Variants in ATG5 observed in about 807,000 individuals in gnomAD.
ATG5 encodes the protein autophagy related 5, also known as autophagy protein 5.
Under a neutral mutation model 36.5 loss-of-function variants are expected in ATG5, and 14 were observed. The ratio of observed to expected loss-of-function variants is 0.38; its 90% confidence interval spans 0.25 to 0.60. The LOEUF (loss-of-function observed/expected upper bound fraction) is 0.60. ATG5 is among the 20% of genes least tolerant of loss of function. The pLI is 0.60. For synonymous variants in ATG5, 95 were observed against 101.5 expected, an observed-to-expected ratio of 0.94 and a Z score of 0.38; for missense variants, 195 against 326.7, an observed-to-expected ratio of 0.60 and a Z score of 3.11.
At chr6:106,196,398 G>A (rs754789343) in intron 7 of ATG5, among the ~76,000 whole-genome samples, 1 of 152,166 alleles carries the variant, frequency 6.6e-6, no homozygotes, top group Non-Finnish European at 1.5e-5. Flanking sequence ...AGGAGATGGA[G>A]ACCTGTGTTC....
chr6:106,186,791 C>T, intron 7 of ATG5, 115 bp from the exon 8 acceptor site: 1 of 1,227,028 alleles, frequency 8.1e-7, no homozygotes, highest in Non-Finnish European at 1.1e-6. Flanking sequence ...ATGTTTTGTC[C>T]CCTGAACAGG....
chr6:106,226,727 G>A (rs1458366947), intron 6 of ATG5, among the ~76,000 whole-genome samples: 1 of 152,102 alleles, frequency 6.6e-6, no homozygotes, highest in Non-Finnish European at 1.5e-5. Context: ...ATTTATCCAT[G>A]TTGTTGCATG....
chr6:106,226,390 A>G (rs905580851), intron 6 of ATG5, among the ~76,000 whole-genome samples: 5 of 152,192 alleles, frequency 3.3e-5, no homozygotes, highest in Non-Finnish European at 5.9e-5. Context: ...TCTCAACAAC[A>G]ACAAAATTAC....
At chr6:106,289,825 T>C (rs1198622863) in intron 4 of ATG5, among the ~76,000 whole-genome samples, 1 of 152,222 alleles carries the variant, frequency 6.6e-6, no homozygotes, top group Admixed American at 6.5e-5. Flanking sequence ...CAAATAACTT[T>C]AATGCCTTAA....
At chr6:106,269,127 A>G (rs1779340974) in intron 5 of ATG5, among the ~76,000 whole-genome samples, 3 of 152,146 alleles carry the variant, frequency 2.0e-5, no homozygotes, top group Admixed American at 2.0e-4. Context: ...TCCCCACTAG[A>G]TTAGCTAGAT....
In ATG5 at chr6:106,203,330, G is replaced by T. The variant is rs577684810; in HGVS notation, c.574-1241C>A. Among the ~76,000 whole-genome samples the T allele has an allele frequency of 3.3e-5, 5 of 152,276 alleles. No individual in the cohort carries two copies. The South Asian group carries it at 1.0e-3, about 32-fold the overall frequency. ...GGCTCTGAAATGAGCCAGTGTCTAT[G>T]AAGAGCACCACTGTTTGCAAGATCT... On this transcript the variant is annotated intron_variant, in intron 6 of 7. Coordinates refer to ENST00000369076, the MANE Select transcript of ATG5 (RefSeq NM_004849.4).
chr6:106,238,552 A>G (rs3804329), intron 6 of ATG5, among the ~76,000 whole-genome samples: 23,218 of 152,158 alleles, frequency 0.15, 2,118 homozygotes, highest in Non-Finnish European at 0.2. Flanking sequence ...AAGGGTGTAC[A>G]TGGAGAAAGC....
At chr6:106,273,056 AC>A (rs1779513664) in intron 5 of ATG5, among the ~76,000 whole-genome samples, 1 of 152,246 alleles carries the variant, frequency 6.6e-6, no homozygotes, top group African/African-American at 2.4e-5. Context: ...TGTTCCAAAG[AC>A]TGATAAAAAT....
intron 3 of ATG5, among the ~76,000 whole-genome samples, chr6:106,298,951 A>C (rs1360846500): frequency 1.3e-5 from 2 of 152,234 alleles, no homozygotes; most frequent in Admixed American, 6.5e-5. Context: ...CAAGTCTTCT[A>C]AACAGATATT....
At chr6:106,228,532 A>C (rs1304225556) in intron 6 of ATG5, among the ~76,000 whole-genome samples, 3 of 152,062 alleles carry the variant, frequency 2.0e-5, no homozygotes, top group Non-Finnish European at 4.4e-5. Context: ...ATTTATTGGA[A>C]TCCATGAGGC....
intron 6 of ATG5, among the ~76,000 whole-genome samples, chr6:106,219,809 T>C (rs1242584401): frequency 6.6e-6 from 1 of 152,162 alleles, no homozygotes; most frequent in East Asian, 1.9e-4. Context: ...TCACAACATA[T>C]ACATGCAGAC....
In ATG5 at chr6:106,279,953, A is replaced by G. The variant is rs535234799; in HGVS notation, c.316-130T>C. 2.1e-5 allele frequency: 11 copies of G among 523,442 alleles called. No homozygotes were observed. The African/African-American group carries it at 2.2e-4, about 10-fold the overall frequency. 32.4% of individuals were successfully genotyped at this position (523,442 alleles called of 1,614,324 possible). ...TATCTCTTAGCACTGAAATAACCCA[A>G]AATACTTTAAAATTTAACTTAAAAA... On this transcript the variant is annotated intron_variant, in intron 4 of 7. Transcript: ENST00000369076.
chr6:106,304,213 G>A (rs910537467), intron 3 of ATG5: 26 of 152,148 alleles, frequency 1.7e-4, no homozygotes, highest in Admixed American at 7.2e-4. Flanking sequence ...AAATTAGAAC[G>A]ATACAGAGAT....
intron 6 of ATG5, among the ~76,000 whole-genome samples, chr6:106,230,194 A>C (rs761796441): frequency 5.7e-4 from 87 of 152,202 alleles, no homozygotes; most frequent in Non-Finnish European, 9.8e-4. Context: ...GTCTCCTCAA[A>C]TGTCAGAGCT....
intron 6 of ATG5, among the ~76,000 whole-genome samples, chr6:106,205,608 A>AGTC (rs1323320966): frequency 7.2e-5 from 11 of 152,334 alleles, no homozygotes; most frequent in African/African-American, 2.6e-4. Flanking sequence ...AAGGCCAACT[A>AGTC]GTCTTGGTTA....
At chr6:106,263,542 C>A (rs1779110157) in intron 5 of ATG5, among the ~76,000 whole-genome samples, 2 of 152,208 alleles carry the variant, frequency 1.3e-5, no homozygotes, top group African/African-American at 4.8e-5. Context: ...GGTCTCTGAT[C>A]CCCATGCCTC....
rs1248679046 is a variant in ATG5, at chr6:106,267,686, C to T, written c.478+11975G>A. Among the ~76,000 whole-genome samples, 7 of 152,140 alleles carry T rather than the reference C, an allele frequency of 4.6e-5. No homozygotes were observed. The East Asian group carries it at 1.3e-3, about 29-fold the overall frequency. On this transcript the variant is annotated intron_variant, in intron 5 of 7. Coordinates refer to ENST00000369076, the MANE Select transcript of ATG5 (RefSeq NM_004849.4). ...AACAGAGACCTCAGAAATACCACCACAAATCTACAACCATCTGATCTTCGA... is the reference window on the plus strand; with the variant it reads ...AACAGAGACCTCAGAAATACCACCATAAATCTACAACCATCTGATCTTCGA...
At chr6:106,287,690 C>T (rs1447829735) in intron 4 of ATG5, among the ~76,000 whole-genome samples, 2 of 151,964 alleles carry the variant, frequency 1.3e-5, no homozygotes, top group African/African-American at 4.8e-5. Context: ...TTTTAAAGAC[C>T]CCACTATTTT....
chr6:106,246,963 C>G (rs966066622), intron 6 of ATG5, among the ~76,000 whole-genome samples: 1 of 152,134 alleles, frequency 6.6e-6, no homozygotes, highest in Non-Finnish European at 1.5e-5. Flanking sequence ...ACAATAACCC[C>G]GCCTTCATGA....
Sources: gnomAD v4.1 joint callset for allele counts (sites outside exome capture counted in the v4.1 genomes callset) on GRCh38, gnomAD v4.1.1 for gene constraint, MANE v1.5 for transcripts, NCBI Gene and HGNC (gene_info 2026-07-23, HGNC 2026-07-21) for gene names.